ZDHHC15: variants seen among roughly 807,000 people sequenced by gnomAD.
The protein encoded by ZDHHC15 is zDHHC palmitoyltransferase 15, also known as palmitoyltransferase ZDHHC15.
A neutral mutation model predicts 31.7 loss-of-function variants in ZDHHC15; 19 were observed. The ratio of observed to expected loss-of-function variants is 0.60; its 90% confidence interval spans 0.42 to 0.88. The LOEUF (loss-of-function observed/expected upper bound fraction) is 0.88. Among genes scored for constraint, ZDHHC15 ranks in the 40% least tolerant of loss-of-function variants. The pLI is 0.00. For synonymous variants in ZDHHC15, 103 were observed against 90.0 expected, an observed-to-expected ratio of 1.14 and a Z score of -0.82; for missense variants, 209 against 251.2, an observed-to-expected ratio of 0.83 and a Z score of 1.14.
At chrX:75,454,018 C>T (rs1264297950) in intron 3 of ZDHHC15, among the ~76,000 whole-genome samples, 1 of 111,373 alleles carries the variant, frequency 9.0e-6, no homozygotes, top group African/African-American at 3.3e-5. Context: ...TATTCAACAT[C>T]ATATTGGAAG....
At chrX:75,484,497 C>T (rs907650351) in intron 2 of ZDHHC15, among the ~76,000 whole-genome samples, 1 of 112,048 alleles carries the variant, frequency 8.9e-6, no homozygotes, top group Non-Finnish European at 1.9e-5. Context: ...AAGGAGCCTC[C>T]ATTTCATACT....
intron 2 of ZDHHC15, among the ~76,000 whole-genome samples, chrX:75,488,887 G>A (rs2084821592): frequency 8.9e-6 from 1 of 111,992 alleles, no homozygotes; most frequent in South Asian, 3.7e-4. Flanking sequence ...GGAAAATCGG[G>A]TCACTCCCAC....
At chrX:75,472,063 C>T (rs989644312) in intron 3 of ZDHHC15, among the ~76,000 whole-genome samples, 14 of 111,611 alleles carry the variant, frequency 1.3e-4, no homozygotes, top group Non-Finnish European at 7.5e-5. Context: ...CATCAGTATT[C>T]GATCATCAAA....
At chrX:75,395,416 C>T (rs2083288780) in intron 10 of ZDHHC15, among the ~76,000 whole-genome samples, 1 of 111,259 alleles carries the variant, frequency 9.0e-6, no homozygotes, top group Admixed American at 9.5e-5. Context: ...TAACAGTGAA[C>T]AACATAAAAT....
chrX:75,465,584 T>G (rs902471122), intron 3 of ZDHHC15, among the ~76,000 whole-genome samples: 13 of 111,572 alleles, frequency 1.2e-4, no homozygotes, highest in African/African-American at 4.2e-4. Context: ...CAGTATGGTA[T>G]GGGCAGAAGA....
At chrX:75,519,335 T>C (rs989650294) in intron 1 of ZDHHC15, among the ~76,000 whole-genome samples, 30 of 111,710 alleles carry the variant, frequency 2.7e-4, no homozygotes, top group African/African-American at 9.8e-4. Flanking sequence ...TGAGCTCTTA[T>C]AATGTGTTGT....
chrX:75,381,608 G>C (rs1258089728), intron 10 of ZDHHC15, among the ~76,000 whole-genome samples: 1 of 111,322 alleles, frequency 9.0e-6, no homozygotes, highest in Non-Finnish European at 1.9e-5. Flanking sequence ...TATCACTCAA[G>C]ATCATAAACT....
At chrX:75,483,712 G>T (rs1362422535) in intron 2 of ZDHHC15, among the ~76,000 whole-genome samples, 1 of 111,759 alleles carries the variant, frequency 8.9e-6, no homozygotes. Context: ...ATAATCTTTG[G>T]CTTCTTTCCT....
chrX:75,514,404 C>A (rs747080063), intron 1 of ZDHHC15, among the ~76,000 whole-genome samples: 140 of 111,956 alleles, frequency 1.3e-3, no homozygotes, highest in Admixed American at 2.3e-3. Context: ...TTAAATTAAG[C>A]TGGTATTCAA....
rs146242462 is a variant in ZDHHC15, at chrX:75,391,457, G to C, written c.968-12259C>G. Among the ~76,000 whole-genome samples the C allele has an allele frequency of 5.4e-3, 600 of 111,434 alleles. 2 individuals are homozygous for C. The highest frequency in any genetic ancestry group is 0.019 in the African/African-American group (576 of 30,708). ...CTTCCAAAGGTGACAAATAAAGAAA[G>C]GATCCTAAAAGCAGCAAGAAACAAC... On this transcript the variant is annotated intron_variant, in intron 10 of 11. Transcript: ENST00000373367.
At chrX:75,481,996 G>T (rs1288473892) in intron 2 of ZDHHC15, among the ~76,000 whole-genome samples, 1 of 111,858 alleles carries the variant, frequency 8.9e-6, no homozygotes, top group Non-Finnish European at 1.9e-5. Flanking sequence ...GCTAGACCTT[G>T]TTTTTCAGCT....
At chrX:75,499,043 C>T (rs906096925) in intron 2 of ZDHHC15, among the ~76,000 whole-genome samples, 3 of 111,336 alleles carry the variant, frequency 2.7e-5, no homozygotes, top group Non-Finnish European at 3.8e-5. Context: ...AAAGGACACC[C>T]GATTCAACAA....
chrX:75,482,104 C>A (rs1484773637), intron 2 of ZDHHC15, among the ~76,000 whole-genome samples: 3 of 110,258 alleles, frequency 2.7e-5, no homozygotes, highest in Non-Finnish European at 5.7e-5. Context: ...AGTTGTTTCC[C>A]AATAGATGAT....
At chrX:75,435,476 T>G (rs2083838859) in intron 4 of ZDHHC15, among the ~76,000 whole-genome samples, 1 of 112,200 alleles carries the variant, frequency 8.9e-6, no homozygotes, top group Non-Finnish European at 1.9e-5. Context: ...TAGCTGTGGG[T>G]TTGTCATAGA....
chrX:75,440,975 C>A (rs1410913870), intron 4 of ZDHHC15, among the ~76,000 whole-genome samples: 1 of 111,504 alleles, frequency 9.0e-6, no homozygotes, highest in Non-Finnish European at 1.9e-5. Flanking sequence ...CAGTGACAGG[C>A]CTCACCCAAC....
At chrX:75,514,295 T>A (rs777462389) in intron 1 of ZDHHC15, among the ~76,000 whole-genome samples, 13 of 112,793 alleles carry the variant, frequency 1.2e-4, no homozygotes, top group African/African-American at 4.2e-4. Context: ...ACAACAATGA[T>A]AAATCTACGT....
chrX:75,488,778 T>G (rs1195930659), intron 2 of ZDHHC15, among the ~76,000 whole-genome samples: 1 of 111,688 alleles, frequency 9.0e-6, no homozygotes, highest in Non-Finnish European at 1.9e-5. Context: ...CACCAAGCGC[T>G]AGCCGAAGCA....
chrX:75,480,643 T>C (rs2084675435), intron 2 of ZDHHC15, among the ~76,000 whole-genome samples: 1 of 110,910 alleles, frequency 9.0e-6, no homozygotes, highest in African/African-American at 3.3e-5. Flanking sequence ...CCAAATAGTG[T>C]GTTTTTCCAC....
At chrX:75,516,031 T>C (rs1384378995) in intron 1 of ZDHHC15, among the ~76,000 whole-genome samples, 1 of 111,423 alleles carries the variant, frequency 9.0e-6, no homozygotes, top group Non-Finnish European at 1.9e-5. Context: ...TTACAAGGGA[T>C]GTGAAGGACC....
Sources: gnomAD v4.1 joint callset for allele counts (sites outside exome capture counted in the v4.1 genomes callset) on GRCh38, gnomAD v4.1.1 for gene constraint, MANE v1.5 for transcripts, NCBI Gene and HGNC (gene_info 2026-07-23, HGNC 2026-07-21) for gene names.